Variants in HEATR5B observed in about 807,000 individuals in gnomAD.
The protein encoded by HEATR5B is HEAT repeat containing 5B, also known as HEAT repeat-containing protein 5B.
Under a neutral mutation model 224.1 loss-of-function variants are expected in HEATR5B, and 156 were observed. The observed-to-expected ratio is 0.70, with a 90% CI of 0.61 to 0.80. The LOEUF (loss-of-function observed/expected upper bound fraction) is 0.80, where lower values mean the gene tolerates loss of function less well. HEATR5B is among the 30% of genes least tolerant of loss of function. The pLI is 0.00. For missense variants in HEATR5B, 2,323 were observed against 2,535.5 expected, an observed-to-expected ratio of 0.92 and a Z score of 1.80; for synonymous variants, 1,027 against 893.0, an observed-to-expected ratio of 1.15 and a Z score of -2.68.
At chr2:36,992,489 G>C (rs13405972) in intron 33 of HEATR5B, among the ~76,000 whole-genome samples, 24,143 of 151,778 alleles carry the variant, frequency 0.16, 2,132 homozygotes, top group African/African-American at 0.18. Flanking sequence ...GCTGAGGCAG[G>C]AGGATCACTT....
chr2:37,044,620 T>C (rs1670077356), intron 18 of HEATR5B, among the ~76,000 whole-genome samples: 1 of 152,240 alleles, frequency 6.6e-6, no homozygotes. Context: ...CTTAGGTAAA[T>C]ACCTAGAAGT....
At chr2:37,027,895 G>A (rs754111795) in intron 24 of HEATR5B, 28 bp downstream of exon 24, 3 of 1,605,250 alleles carry the variant, frequency 1.9e-6, no homozygotes, top group Non-Finnish European at 2.6e-6. Context: ...AAAATGCTTT[G>A]GGGAAAAAGT....
At position 36,981,567 on chromosome 2, in the gene HEATR5B, C is replaced by T. The variant is rs1308064976; in HGVS notation, c.6139G>A (p.Ala2047Thr). 1.9e-6 allele frequency: 3 copies of T among 1,614,222 alleles called. No homozygotes were observed. In the South Asian group the frequency reaches 3.3e-5, roughly 18 times the overall value. Residue 2047 changes from alanine to threonine, a missense_variant, in exon 36 of 36, where the codon GCT (alanine) becomes ACT (threonine). By Grantham distance (58) the Ala-to-Thr change is moderately conservative. Transcript: ENST00000233099. ...TAVRASQASK[A>T]KAAARQPAPA... Reference sequence around the variant, plus strand: ...GCTGGTTGTCTGGCAGCCGCTTTAGCTTTGCTCGCTTGGCTTGCTCGAACG... The same window carrying T: ...GCTGGTTGTCTGGCAGCCGCTTTAGTTTTGCTCGCTTGGCTTGCTCGAACG...
chr2:37,077,042 T>C (rs1672279333), intron 3 of HEATR5B, 23 bp from the exon 4 acceptor site: 1 of 1,517,538 alleles, frequency 6.6e-7, no homozygotes, highest in Non-Finnish European at 9.1e-7. Flanking sequence ...ACAACTTCAC[T>C]AGTCATTGTC....
chr2:37,065,023 A>T, intron 9 of HEATR5B, 33 bp from the exon 10 acceptor site: 1 of 1,590,436 alleles, frequency 6.3e-7, no homozygotes. Flanking sequence ...ATTACTCTTT[A>T]ATGAAGTCAA....
At chr2:37,032,509 T>C (rs956997359) in intron 22 of HEATR5B, 120 bp downstream of exon 22, 6 of 859,154 alleles carry the variant, frequency 7.0e-6, no homozygotes, top group Non-Finnish European at 1.1e-5. Flanking sequence ...AATGGTTTTA[T>C]TTCAAAGAAT....
At position 37,008,751 on chromosome 2, in the gene HEATR5B, A is replaced by T. The variant is rs755061699; in HGVS notation, c.4382T>A (p.Ile1461Asn). ...TDDDDDDCGT[I>N]DELPPDSLIT... Reference sequence around the variant, plus strand: ...TAAACTATCTGGTGGCAGTTCATCGATGGTACCACAGTCGTCATCATCATC... The same window carrying T: ...TAAACTATCTGGTGGCAGTTCATCGTTGGTACCACAGTCGTCATCATCATC... The change falls in exon 28 of 36, where the codon ATC becomes AAC. Residue 1461 changes from isoleucine (I) to asparagine (N), a missense_variant. Physicochemically the swap from Ile to Asn is moderately radical, Grantham distance 149. Transcript: ENST00000233099. The T allele has an allele frequency of 6.2e-7, 1 of 1,614,000 alleles. No homozygotes were observed. The highest frequency in any genetic ancestry group is 1.1e-5 in the South Asian group (1 of 91,086).
At chr2:37,073,994 G>A (rs1402047072) in intron 5 of HEATR5B, among the ~76,000 whole-genome samples, 1 of 152,112 alleles carries the variant, frequency 6.6e-6, no homozygotes, top group Non-Finnish European at 1.5e-5. Context: ...GGGTGTAAAC[G>A]GAGTTTAGTG....
chr2:37,084,313 G>A lies in HEATR5B; in HGVS notation c.-67C>T. On this transcript the variant is annotated 5_prime_UTR_variant, in exon 1 of 36. Coordinates refer to ENST00000233099, the MANE Select transcript of HEATR5B (RefSeq NM_019024.3). Reference sequence around the variant, plus strand: ...GATCAGCTGAGCTCCGGGGGTAGAAGCAGCCACCAAGAGACCCGGATGCCC... The same window carrying A: ...GATCAGCTGAGCTCCGGGGGTAGAAACAGCCACCAAGAGACCCGGATGCCC... 2.5e-6 allele frequency: 1 copy of A among 400,466 alleles called. No individual in the cohort carries two copies. The highest frequency in any genetic ancestry group is 4.4e-6 in the Non-Finnish European group (1 of 228,778). The allele number at this position is 400,466 out of a possible 1,614,324, so 24.8% of individuals were successfully genotyped here.
At chr2:37,026,571 T>C in intron 24 of HEATR5B, among the ~76,000 whole-genome samples, 1 of 152,228 alleles carries the variant, frequency 6.6e-6, no homozygotes, top group East Asian at 1.9e-4. Flanking sequence ...GGACACGCCA[T>C]AACTATTTGA....
chr2:37,034,010 A>G (rs1669307806), intron 21 of HEATR5B, among the ~76,000 whole-genome samples: 1 of 152,158 alleles, frequency 6.6e-6, no homozygotes, highest in Admixed American at 6.5e-5. Flanking sequence ...GATGGAGAAG[A>G]ACACATGTAT....
chr2:36,989,102 T>A (rs1385983980), intron 34 of HEATR5B, among the ~76,000 whole-genome samples: 1 of 152,240 alleles, frequency 6.6e-6, no homozygotes, highest in Admixed American at 6.5e-5. Flanking sequence ...TTTTTCTTTT[T>A]TTGAGATGGA....
At chr2:37,037,487 A>G (rs897356603) in intron 21 of HEATR5B, among the ~76,000 whole-genome samples, 1 of 152,090 alleles carries the variant, frequency 6.6e-6, no homozygotes, top group Non-Finnish European at 1.5e-5. Flanking sequence ...GTTCATCAAG[A>G]TATTTCTTAA....
intron 5 of HEATR5B, among the ~76,000 whole-genome samples, 167 bp downstream of exon 5, chr2:37,075,318 A>C (rs1672158615): frequency 6.6e-6 from 1 of 152,238 alleles, no homozygotes; most frequent in Non-Finnish European, 1.5e-5. Flanking sequence ...ATACACATAC[A>C]CAAAAGTACA....
At chr2:36,993,742 A>T (rs570501620) in intron 33 of HEATR5B, among the ~76,000 whole-genome samples, 2 of 152,198 alleles carry the variant, frequency 1.3e-5, no homozygotes, top group African/African-American at 4.8e-5. Flanking sequence ...ACAAAGCAAT[A>T]TGTCTTAGTT....
chr2:36,997,803 T>A (rs1360392418), intron 33 of HEATR5B, among the ~76,000 whole-genome samples: 5 of 151,882 alleles, frequency 3.3e-5, no homozygotes, highest in Middle Eastern at 3.4e-3. Flanking sequence ...CCTGACCTCA[T>A]GATCCACCCG....
At chr2:36,982,752 A>C (rs1417368467) in intron 35 of HEATR5B, among the ~76,000 whole-genome samples, 1 of 151,926 alleles carries the variant, frequency 6.6e-6, no homozygotes, top group Non-Finnish European at 1.5e-5. Flanking sequence ...CACAGCTCCT[A>C]TCAATTCCTG....
intron 34 of HEATR5B, among the ~76,000 whole-genome samples, chr2:36,989,118 G>A (rs537228132): frequency 8.5e-5 from 13 of 152,104 alleles, no homozygotes; most frequent in South Asian, 4.1e-4. Flanking sequence ...ATGGAGTCTC[G>A]CTCTGTCGCC....
chr2:36,984,200 C>CAAAAAAAAAAAAAAAAAAAAAAAAA (rs1208435239), intron 35 of HEATR5B, among the ~76,000 whole-genome samples: 2 of 29,018 alleles, frequency 6.9e-5, no homozygotes, highest in Non-Finnish European at 6.5e-5. Flanking sequence ...AACTCTGTCT[C>CAAAAAAAAAAAAAAAAAAAAAAAAA]AAAAAAAAAA....
Sources: allele counts gnomAD v4.1 joint callset (sites outside exome capture counted in the v4.1 genomes callset), GRCh38; gene constraint gnomAD v4.1.1; transcripts MANE v1.5; gene names NCBI Gene and HGNC (gene_info 2026-07-23, HGNC 2026-07-21).